ARHGAP15: variants seen among roughly 807,000 people sequenced by gnomAD.
The protein encoded by ARHGAP15 is rho GTPase-activating protein 15.
ARHGAP15 carries 51 observed loss-of-function variants against 63.7 expected under a neutral mutation model. That is an observed-to-expected ratio of 0.80 (90% confidence interval 0.64 to 1.01). The LOEUF (loss-of-function observed/expected upper bound fraction) is 1.01, where lower values mean the gene tolerates loss of function less well. Ranked by LOEUF, ARHGAP15 falls within the 50% of genes least tolerant of loss-of-function variation. ARHGAP15 has a pLI of 0.00. For missense variants in ARHGAP15, 560 were observed against 564.6 expected (o/e 0.99, Z 0.08); for synonymous variants, 191 against 193.8 (o/e 0.99, Z 0.12).
At chr2:143,680,020 TTAAAAAAAA>T (rs1559122421) in intron 12 of ARHGAP15, among the ~76,000 whole-genome samples, 2 of 37,086 alleles carry the variant, frequency 5.4e-5, no homozygotes, top group East Asian at 6.1e-4. Flanking sequence ...AAGTAAATGA[TTAAAAAAAA>T]AAAAAAAAAA....
chr2:143,147,246 G>A (rs6705990), intron 1 of ARHGAP15, among the ~76,000 whole-genome samples: 65 of 151,944 alleles, frequency 4.3e-4, no homozygotes, highest in African/African-American at 1.5e-3. Flanking sequence ...GTTTTCTAAC[G>A]CTGTGGCTGC....
chr2:143,666,101 A>T (rs1160146548), intron 12 of ARHGAP15, among the ~76,000 whole-genome samples: 5,772 of 147,146 alleles, frequency 0.039, 150 homozygotes, highest in East Asian at 0.098. Context: ...AAAAGAGCCC[A>T]CATCCCCAAG....
At chr2:143,408,494 TC>T (rs1487510651) in intron 6 of ARHGAP15, among the ~76,000 whole-genome samples, 1 of 151,746 alleles carries the variant, frequency 6.6e-6, no homozygotes. Flanking sequence ...TTATTTCACA[TC>T]TAAAAGTTGA....
At chr2:143,327,375 T>C (rs565390747) in intron 6 of ARHGAP15, among the ~76,000 whole-genome samples, 1 of 152,252 alleles carries the variant, frequency 6.6e-6, no homozygotes, top group South Asian at 2.1e-4. Flanking sequence ...TTGACTTTCA[T>C]CACAGAATTA....
chr2:143,424,518 C>A (rs1015976947), intron 6 of ARHGAP15, among the ~76,000 whole-genome samples: 2 of 151,914 alleles, frequency 1.3e-5, no homozygotes, highest in African/African-American at 4.8e-5. Flanking sequence ...ACAGAGAGGG[C>A]ATAGGGACAG....
At chr2:143,316,766 C>G (rs1683739976) in intron 6 of ARHGAP15, among the ~76,000 whole-genome samples, 1 of 151,698 alleles carries the variant, frequency 6.6e-6, no homozygotes, top group African/African-American at 2.4e-5. Flanking sequence ...ATGCCTCAAC[C>G]TTCAAAATGT....
At chr2:143,157,948 T>C (rs1389027161) in intron 2 of ARHGAP15, among the ~76,000 whole-genome samples, 1 of 151,784 alleles carries the variant, frequency 6.6e-6, no homozygotes, top group Non-Finnish European at 1.5e-5. Context: ...GGGTTTGTTG[T>C]AACAGAGGCA....
chr2:143,746,292 T>TTA (rs1686161604), intron 13 of ARHGAP15, among the ~76,000 whole-genome samples: 1 of 130,758 alleles, frequency 7.6e-6, no homozygotes, highest in African/African-American at 2.5e-5. Context: ...AATTCCTTTT[T>TTA]CAAAAAAAAA....
rs539867046 is a variant in ARHGAP15 at position 143,466,027 on chromosome 2, C to A, written c.704-21346C>A. On this transcript the variant is annotated intron_variant, in intron 8 of 13. Transcript: ENST00000295095. ...GATGGTTTACAATGGAGACTGACTTCTTTCTTTATTTCCCTGCATTCCAAA... is the reference window on the plus strand; with the variant it reads ...GATGGTTTACAATGGAGACTGACTTATTTCTTTATTTCCCTGCATTCCAAA... Among the ~76,000 whole-genome samples the A allele has an allele frequency of 2.1e-4, 32 of 152,090 alleles. No individual in the cohort carries two copies. The South Asian group carries it at 5.4e-3, about 26-fold the overall frequency.
intron 11 of ARHGAP15, among the ~76,000 whole-genome samples, chr2:143,584,192 C>A (rs546580564): frequency 6.6e-6 from 1 of 152,270 alleles, no homozygotes; most frequent in Non-Finnish European, 1.5e-5. Flanking sequence ...AGATAATCAG[C>A]AGTAAAGACC....
intron 13 of ARHGAP15, chr2:143,740,957 G>A (rs550940263): frequency 1.3e-5 from 2 of 152,156 alleles, no homozygotes; most frequent in African/African-American, 4.8e-5. Context: ...GGATTTAGCA[G>A]CTATATTCAA....
chr2:143,305,454 C>G (rs1483734402), intron 6 of ARHGAP15: 1 of 151,886 alleles, frequency 6.6e-6, no homozygotes, highest in Non-Finnish European at 1.5e-5. Flanking sequence ...CACATGTATC[C>G]CAGAACCTAT....
At chr2:143,177,464 A>G (rs544896366) in intron 2 of ARHGAP15, among the ~76,000 whole-genome samples, 2 of 136,134 alleles carry the variant, frequency 1.5e-5, no homozygotes, top group South Asian at 5.5e-4. Context: ...AACATCCACT[A>G]AAAGTTTTGA....
chr2:143,193,870 T>G (rs1456310417), intron 2 of ARHGAP15, among the ~76,000 whole-genome samples: 1 of 152,226 alleles, frequency 6.6e-6, no homozygotes, highest in Non-Finnish European at 1.5e-5. Context: ...ATCAGAGCTT[T>G]CACAAAAGAG....
chr2:143,187,082 G>T (rs146836462), intron 2 of ARHGAP15, among the ~76,000 whole-genome samples: 234 of 152,242 alleles, frequency 1.5e-3, no homozygotes, highest in East Asian at 8.9e-3. Flanking sequence ...ACAGCCAAGA[G>T]ATTATTTTGC....
intron 13 of ARHGAP15, among the ~76,000 whole-genome samples, chr2:143,738,696 ATTTCT>A (rs1685847150): frequency 6.6e-6 from 1 of 152,184 alleles, no homozygotes; most frequent in South Asian, 2.1e-4. Flanking sequence ...ACTTGTTTCT[ATTTCT>A]TTTCTTAATC....
At chr2:143,563,387 C>A (rs1696103405) in intron 11 of ARHGAP15, among the ~76,000 whole-genome samples, 1 of 152,050 alleles carries the variant, frequency 6.6e-6, no homozygotes, top group African/African-American at 2.4e-5. Flanking sequence ...GAAGAAAAAA[C>A]AAATAAAACT....
At chr2:143,550,434 G>A (rs1408024944) in intron 10 of ARHGAP15, among the ~76,000 whole-genome samples, 1 of 152,162 alleles carries the variant, frequency 6.6e-6, no homozygotes. Flanking sequence ...GAATACAAGA[G>A]AAGGAGGGTA....
At chr2:143,412,596 C>T (rs1688493001) in intron 6 of ARHGAP15, among the ~76,000 whole-genome samples, 1 of 152,188 alleles carries the variant, frequency 6.6e-6, no homozygotes, top group Non-Finnish European at 1.5e-5. Flanking sequence ...GGGAGTTCTT[C>T]TAAGAATTTC....
Sources: gnomAD v4.1 joint callset for allele counts (sites outside exome capture counted in the v4.1 genomes callset) on GRCh38, gnomAD v4.1.1 for gene constraint, MANE v1.5 for transcripts, NCBI Gene and HGNC (gene_info 2026-07-23, HGNC 2026-07-21) for gene names.